Variants in CSMD1 observed in about 807,000 individuals in gnomAD.
CSMD1 encodes the protein CUB and Sushi multiple domains 1.
Under a neutral mutation model 417.5 loss-of-function variants are expected in CSMD1, and 213 were observed. That is an observed-to-expected ratio of 0.51 (90% confidence interval 0.46 to 0.57). The LOEUF is 0.57. CSMD1 is among the 20% of genes least tolerant of loss of function. CSMD1 has a pLI of 0.00. For missense variants in CSMD1, 6,923 were observed against 4,529.7 expected, an observed-to-expected ratio of 1.53 and a Z score of -15.17; for synonymous variants, 2,862 against 1,736.8, an observed-to-expected ratio of 1.65 and a Z score of -16.11.
At chr8:4,097,032 T>A (rs1585306424) in intron 3 of CSMD1, among the ~76,000 whole-genome samples, 1 of 152,218 alleles carries the variant, frequency 6.6e-6, no homozygotes, top group Non-Finnish European at 1.5e-5. Context: ...CCCCATCTTT[T>A]TTTAATTAAC....
intron 5 of CSMD1, among the ~76,000 whole-genome samples, chr8:3,804,430 A>G (rs191086102): frequency 2.4e-4 from 36 of 152,310 alleles, no homozygotes; most frequent in Non-Finnish European, 4.4e-4. Flanking sequence ...AAAATGAAAA[A>G]TACTATTTTT....
In CSMD1 at chr8:4,559,536, A is replaced by G. The variant is rs539903879; in HGVS notation, c.302+77806T>C. On this transcript the variant is annotated intron_variant, in intron 2 of 69. Transcript: ENST00000635120. ...GAGGGTTCATATTAAGTTCTTGGAAACTGATATTCACTTTTGTTGTGTGTG... is the reference window on the plus strand; with the variant it reads ...GAGGGTTCATATTAAGTTCTTGGAAGCTGATATTCACTTTTGTTGTGTGTG... 9.4e-4 allele frequency among the ~76,000 whole-genome samples: 143 copies of G among 152,316 alleles called. 1 individual carries two copies. The highest frequency in any genetic ancestry group is 3.2e-3 in the African/African-American group (134 of 41,572).
At chr8:3,375,183 T>A (rs1319087966) in intron 18 of CSMD1, 1 of 152,156 alleles carries the variant, frequency 6.6e-6, no homozygotes, top group Non-Finnish European at 1.5e-5. Context: ...TTGCCAGGTT[T>A]CTCGGGATGT....
chr8:4,324,264 C>G lies in CSMD1; in HGVS notation c.415+95689G>C, dbSNP rs79512619. ...ACACCAAGAATGTGAGTTCTGAGAC[C>G]TTTTCCTCTTCCTCATCACTAACTG... On this transcript the variant is annotated intron_variant, in intron 3 of 69. Coordinates refer to ENST00000635120, the MANE Select transcript of CSMD1 (RefSeq NM_033225.6). Among the ~76,000 whole-genome samples, 15 of 152,306 alleles carry G rather than the reference C, an allele frequency of 9.8e-5. No homozygotes were observed. In the East Asian group the frequency reaches 2.9e-3, roughly 29 times the overall value.
chr8:4,218,741 C>G (rs754117244), intron 3 of CSMD1, among the ~76,000 whole-genome samples: 2 of 152,160 alleles, frequency 1.3e-5, no homozygotes, highest in African/African-American at 4.8e-5. Flanking sequence ...TCAATACAAA[C>G]CTGGCTGTTT....
chr8:4,287,893 G>A (rs1014054186), intron 3 of CSMD1, among the ~76,000 whole-genome samples: 1 of 151,840 alleles, frequency 6.6e-6, no homozygotes, highest in African/African-American at 2.4e-5. Flanking sequence ...GACATCCCAG[G>A]TTGCTCTTAA....
At chr8:3,891,114 T>G (rs991360009) in intron 5 of CSMD1, among the ~76,000 whole-genome samples, 1 of 152,104 alleles carries the variant, frequency 6.6e-6, no homozygotes, top group Non-Finnish European at 1.5e-5. Context: ...AGTGTTGTGA[T>G]CTTGGCTCAT....
At position 3,565,015 on chromosome 8, in the gene CSMD1, G is replaced by A. The variant is rs142236980; in HGVS notation, c.1344+9930C>T. Among the ~76,000 whole-genome samples the A allele has an allele frequency of 9.3e-3, 1,402 of 150,878 alleles. 27 individuals are homozygous for A. Among genetic ancestry groups the A allele is most frequent in the African/African-American group, 0.031 (1,257 of 41,066 alleles). The stretch of plus-strand genomic sequence containing the variant: ...TAATACCTAGGTGATGGGAAGCAAA[G>A]CACCATGGCACACATTTACCTGTGT... On this transcript the variant is annotated intron_variant, in intron 10 of 69. Coordinates refer to ENST00000635120, the MANE Select transcript of CSMD1 (RefSeq NM_033225.6).
chr8:3,054,565 C>A (rs1812086185), intron 49 of CSMD1, among the ~76,000 whole-genome samples: 2 of 152,314 alleles, frequency 1.3e-5, no homozygotes, highest in African/African-American at 2.4e-5. Context: ...TTGCAGTGAG[C>A]TGAAATTATG....
At chr8:4,254,515 C>T (rs1037827766) in intron 3 of CSMD1, among the ~76,000 whole-genome samples, 8 of 152,114 alleles carry the variant, frequency 5.3e-5, no homozygotes, top group East Asian at 1.9e-4. Flanking sequence ...ATAAATTTCA[C>T]GTAGCCTAAA....
At chr8:4,294,828 A>G (rs1797571628) in intron 3 of CSMD1, among the ~76,000 whole-genome samples, 2 of 151,984 alleles carry the variant, frequency 1.3e-5, no homozygotes, top group Non-Finnish European at 2.9e-5. Context: ...CCCATGTGTA[A>G]TTAGTAACTT....
intron 2 of CSMD1, among the ~76,000 whole-genome samples, chr8:4,489,945 C>G (rs984736461): frequency 7.9e-5 from 12 of 151,902 alleles, no homozygotes; most frequent in African/African-American, 2.9e-4. Context: ...TGTCTGTGAT[C>G]GTCATTAAGT....
chr8:3,955,745 A>G (rs1811897467), intron 5 of CSMD1, among the ~76,000 whole-genome samples: 1 of 152,186 alleles, frequency 6.6e-6, no homozygotes, highest in Non-Finnish European at 1.5e-5. Context: ...TAAGAAAAAA[A>G]CAGGGTCAAA....
rs541124913 is a variant in CSMD1, at chr8:3,322,261, G to GAATC, written c.3632-13762_3632-13759dup. 1.9e-3 allele frequency among the ~76,000 whole-genome samples: 287 copies of GAATC among 152,192 alleles called. 1 individual carries two copies. The highest frequency in any genetic ancestry group is 6.8e-3 in the Middle Eastern group (2 of 294). On this transcript the variant is annotated intron_variant, in intron 23 of 69. Transcript: ENST00000635120. Reference sequence around the variant, plus strand: ...GGAACATTTTCCTTCACCTCCTGATGAATCATTTTATTTTTATATTTTCAC... The same window carrying GAATC: ...GGAACATTTTCCTTCACCTCCTGATGAATCAATCATTTTATTTTTATATTTTCAC...
intron 17 of CSMD1, 146 bp downstream of exon 17, chr8:3,396,048 C>A: frequency 1.5e-6 from 1 of 648,358 alleles, no homozygotes; most frequent in South Asian, 2.0e-5. Flanking sequence ...ACAGAAAGTT[C>A]TTACAATTGC....
chr8:4,054,799 G>A (rs1011611712), intron 3 of CSMD1, among the ~76,000 whole-genome samples: 2 of 152,084 alleles, frequency 1.3e-5, no homozygotes, highest in East Asian at 1.9e-4. Flanking sequence ...GAACAACAAT[G>A]GAAACAGAAG....
chr8:4,810,526 CGT>C (rs34993933), intron 1 of CSMD1, among the ~76,000 whole-genome samples: 9,840 of 151,476 alleles, frequency 0.065, 522 homozygotes, highest in East Asian at 0.23. Flanking sequence ...GTAAAATACA[CGT>C]GTGTGTGTGT....
chr8:4,806,361 T>A (rs549406164), intron 1 of CSMD1, among the ~76,000 whole-genome samples: 2 of 152,154 alleles, frequency 1.3e-5, no homozygotes, highest in Admixed American at 6.6e-5. Flanking sequence ...CGTTGCAGTA[T>A]TGAACTCGTG....
At chr8:4,577,326 G>T (rs184369059) in intron 2 of CSMD1, among the ~76,000 whole-genome samples, 4 of 152,140 alleles carry the variant, frequency 2.6e-5, no homozygotes, top group African/African-American at 4.8e-5. Flanking sequence ...CAATAATGAT[G>T]CCCCAAAATA....
Sources: allele counts gnomAD v4.1 joint callset (sites outside exome capture counted in the v4.1 genomes callset), GRCh38; gene constraint gnomAD v4.1.1; transcripts MANE v1.5; gene names NCBI Gene and HGNC (gene_info 2026-07-23, HGNC 2026-07-21).